Variants in PTPRM observed in about 807,000 individuals in gnomAD.
PTPRM encodes the protein receptor-type tyrosine-protein phosphatase mu.
A neutral mutation model predicts 186.7 loss-of-function variants in PTPRM; 47 were observed. The observed-to-expected ratio is 0.25, with a 90% CI of 0.20 to 0.32. The LOEUF is 0.32. PTPRM is among the 10% of genes least tolerant of loss of function. The pLI is 1.00. For missense variants in PTPRM, 1,494 were observed against 1,865.0 expected, an observed-to-expected ratio of 0.80 and a Z score of 3.66; for synonymous variants, 668 against 674.9, an observed-to-expected ratio of 0.99 and a Z score of 0.16.
At chr18:8,318,409 GC>G (rs2095324818) in intron 21 of PTPRM, among the ~76,000 whole-genome samples, 1 of 143,816 alleles carries the variant, frequency 7.0e-6, no homozygotes, top group African/African-American at 2.6e-5. Context: ...CAATCCTCCT[GC>G]CTCAGTCCCC....
intron 19 of PTPRM, among the ~76,000 whole-genome samples, chr18:8,265,860 C>T (rs1345156936): frequency 3.9e-5 from 6 of 152,132 alleles, no homozygotes; most frequent in African/African-American, 1.2e-4. Context: ...AGCAGTAGTA[C>T]GGTCTCCTTA....
Position 8,155,390 on chromosome 18 carries a change from G to A in PTPRM, c.2300+11611G>A, listed in dbSNP as rs746794709. 3.0e-4 allele frequency among the ~76,000 whole-genome samples: 46 copies of A among 152,226 alleles called. 1 individual carries two copies. The highest frequency in any genetic ancestry group is 2.1e-3 in the South Asian group (10 of 4,822). On this transcript the variant is annotated intron_variant, in intron 14 of 32. Coordinates refer to ENST00000580170, the MANE Select transcript of PTPRM (RefSeq NM_001105244.2). ...GTGGTACATAGAAATCACAGAAGTT[G>A]CAGCTATTGAAAATAATTAAAGAGT...
chr18:8,013,171 A>G (rs1370329161), intron 7 of PTPRM, among the ~76,000 whole-genome samples: 1 of 152,218 alleles, frequency 6.6e-6, no homozygotes, highest in Non-Finnish European at 1.5e-5. Flanking sequence ...CAGTATGAAA[A>G]TAGTATTAAA....
chr18:8,334,546 C>A (rs997654675), intron 22 of PTPRM, among the ~76,000 whole-genome samples: 4 of 152,244 alleles, frequency 2.6e-5, no homozygotes, highest in African/African-American at 9.6e-5. Flanking sequence ...GGATTCCCGA[C>A]CCATCACCAC....
intron 1 of PTPRM, among the ~76,000 whole-genome samples, chr18:7,736,087 A>G (rs2040765581): frequency 6.6e-6 from 1 of 152,120 alleles, no homozygotes; most frequent in South Asian, 2.1e-4. Context: ...GTCACAGGTC[A>G]TGGTACTCAC....
At chr18:8,352,329 G>T (rs1568808592) in intron 23 of PTPRM, among the ~76,000 whole-genome samples, 1 of 152,198 alleles carries the variant, frequency 6.6e-6, no homozygotes, top group Non-Finnish European at 1.5e-5. Context: ...ACATGGGCAG[G>T]TTTGTTAAAT....
chr18:8,387,319 A>G, intron 31 of PTPRM, 84 bp downstream of exon 31: 2 of 1,374,592 alleles, frequency 1.5e-6, no homozygotes, highest in Non-Finnish European at 2.0e-6. Flanking sequence ...CTTTTGTTTC[A>G]CTAGAAATGG....
intron 19 of PTPRM, among the ~76,000 whole-genome samples, chr18:8,276,916 A>G: frequency 6.6e-6 from 1 of 150,974 alleles, no homozygotes; most frequent in Non-Finnish European, 1.5e-5. Context: ...GAAAAAAAGG[A>G]TGATTTGTAG....
intron 2 of PTPRM, among the ~76,000 whole-genome samples, chr18:7,811,945 T>C (rs1291934872): frequency 2.0e-5 from 3 of 152,230 alleles, no homozygotes; most frequent in Non-Finnish European, 4.4e-5. Context: ...AGAATTACTT[T>C]ATGTAAAGTT....
chr18:8,219,195 CG>C (rs2094124867), intron 14 of PTPRM, among the ~76,000 whole-genome samples: 4 of 152,306 alleles, frequency 2.6e-5, no homozygotes, highest in African/African-American at 9.6e-5. Context: ...TGGCCAAGCC[CG>C]GTGGCTTACG....
At chr18:8,304,531 A>G (rs192721408) in intron 20 of PTPRM, among the ~76,000 whole-genome samples, 34 of 152,188 alleles carry the variant, frequency 2.2e-4, no homozygotes, top group African/African-American at 7.9e-4. Context: ...AGTCGTTTTT[A>G]TGCAGATGGA....
At chr18:8,161,667 A>C (rs2093231821) in intron 14 of PTPRM, among the ~76,000 whole-genome samples, 1 of 152,140 alleles carries the variant, frequency 6.6e-6, no homozygotes, top group African/African-American at 2.4e-5. Context: ...CAAGCAGGAG[A>C]CATTTAAAAA....
chr18:8,059,064 TATTG>T (rs1454360136), intron 7 of PTPRM, among the ~76,000 whole-genome samples: 3 of 145,048 alleles, frequency 2.1e-5, no homozygotes, highest in Admixed American at 6.8e-5. Context: ...ATTTTCACGA[TATTG>T]ATTCTTCCTA....
At chr18:7,583,552 G>C (rs1312879726) in intron 1 of PTPRM, among the ~76,000 whole-genome samples, 6 of 152,154 alleles carry the variant, frequency 3.9e-5, no homozygotes, top group Non-Finnish European at 8.8e-5. Flanking sequence ...TTGTAAGATT[G>C]GCACAGCCCA....
intron 1 of PTPRM, among the ~76,000 whole-genome samples, chr18:7,572,756 T>G (rs928800789): frequency 6.6e-6 from 1 of 152,238 alleles, no homozygotes; most frequent in Non-Finnish European, 1.5e-5. Context: ...CACTTTTTAG[T>G]GTGCTTACTA....
chr18:7,772,588 G>A (rs1455423454), intron 1 of PTPRM, among the ~76,000 whole-genome samples: 1 of 151,486 alleles, frequency 6.6e-6, no homozygotes, highest in Non-Finnish European at 1.5e-5. Flanking sequence ...TTTTTAAGGG[G>A]GGATGTTCTA....
chr18:7,963,725 T>G (rs972712896), intron 7 of PTPRM, among the ~76,000 whole-genome samples: 1 of 152,230 alleles, frequency 6.6e-6, no homozygotes, highest in Admixed American at 6.5e-5. Flanking sequence ...CAGAACCGTT[T>G]CAGGCTGTAT....
intron 20 of PTPRM, among the ~76,000 whole-genome samples, chr18:8,306,874 T>C (rs998060409): frequency 1.3e-5 from 2 of 152,222 alleles, no homozygotes; most frequent in Non-Finnish European, 2.9e-5. Context: ...AAATTTGATA[T>C]GATTTAGCCT....
At position 8,114,857 on chromosome 18, in the gene PTPRM, A is replaced by G. The variant is rs758713292; in HGVS notation, c.2167+30A>G. On this transcript the variant is annotated intron_variant, in intron 13 of 32. Coordinates refer to ENST00000580170, the MANE Select transcript of PTPRM (RefSeq NM_001105244.2). ...GTTGAAATTGTGGGATATTCTCCTA[A>G]TTAATGTTCCTTAAAAGTTTATTTT... 31 of 1,588,340 alleles carry G rather than the reference A, an allele frequency of 2.0e-5. 1 individual carries two copies. The highest frequency in any genetic ancestry group is 3.4e-4 in the Middle Eastern group (2 of 5,970).
Sources: allele counts gnomAD v4.1 joint callset (sites outside exome capture counted in the v4.1 genomes callset), GRCh38; gene constraint gnomAD v4.1.1; transcripts MANE v1.5; gene names NCBI Gene and HGNC (gene_info 2026-07-23, HGNC 2026-07-21).